HIVEP3: variants seen among roughly 807,000 people sequenced by gnomAD.
The protein encoded by HIVEP3 is transcription factor HIVEP3.
Under a neutral mutation model 152.8 loss-of-function variants are expected in HIVEP3, and 49 were observed. That is an observed-to-expected ratio of 0.32 (90% confidence interval 0.26 to 0.41). The LOEUF (loss-of-function observed/expected upper bound fraction) is 0.41. HIVEP3 is among the 10% of genes least tolerant of loss of function. The pLI, the probability that HIVEP3 is intolerant of heterozygous loss-of-function variation, is 1.00. For synonymous variants in HIVEP3, 1,269 were observed against 1,289.0 expected (o/e 0.98, Z 0.33); for missense variants, 2,790 against 3,103.3 (o/e 0.90, Z 2.40).
chr1:41,763,583 G>A (rs1647827478), intron 1 of HIVEP3, among the ~76,000 whole-genome samples: 1 of 152,190 alleles, frequency 6.6e-6, no homozygotes, highest in Non-Finnish European at 1.5e-5. Context: ...GAGCATAGGA[G>A]GAAAATACCA....
intron 2 of HIVEP3, among the ~76,000 whole-genome samples, chr1:41,661,672 G>A (rs1645714374): frequency 6.6e-6 from 1 of 152,170 alleles, no homozygotes; most frequent in Non-Finnish European, 1.5e-5. Flanking sequence ...GCATGGCCTT[G>A]GGGGAAGCTA....
At chr1:41,900,385 G>A (rs1644600623) in intron 1 of HIVEP3, among the ~76,000 whole-genome samples, 1 of 152,194 alleles carries the variant, frequency 6.6e-6, no homozygotes, top group African/African-American at 2.4e-5. Flanking sequence ...ACATCCAGTG[G>A]AGGGAAGAGG....
intron 1 of HIVEP3, among the ~76,000 whole-genome samples, chr1:41,903,017 T>C (rs1319124692): frequency 2.0e-5 from 3 of 152,176 alleles, no homozygotes; most frequent in Non-Finnish European, 4.4e-5. Context: ...ACTGGATAAC[T>C]TGGGTTACAT....
intron 2 of HIVEP3, among the ~76,000 whole-genome samples, chr1:41,682,810 C>T (rs953069265): frequency 4.6e-5 from 7 of 152,138 alleles, no homozygotes; most frequent in African/African-American, 1.7e-4. Flanking sequence ...TTCCAATAGA[C>T]ACCTTCCAGG....
intron 1 of HIVEP3, among the ~76,000 whole-genome samples, chr1:41,938,483 G>A (rs538025147): frequency 1.6e-4 from 24 of 152,310 alleles, no homozygotes; most frequent in Admixed American, 1.6e-3. Context: ...AATGGGGGAA[G>A]GGAACTAAGA....
intron 5 of HIVEP3, among the ~76,000 whole-genome samples, chr1:41,527,384 GCACTCACACTCCACACCCT>G: frequency 2.6e-5 from 1 of 38,804 alleles, no homozygotes; most frequent in African/African-American, 1.2e-4. Context: ...ACTCACACTC[GCACTCACACTCCACACCCT>G]GCCCTCACAC....
chr1:41,579,813 T>C lies in HIVEP3; in HGVS notation c.4985A>G (p.Tyr1662Cys). 6.2e-7 allele frequency: 1 copy of C among 1,613,658 alleles called. No homozygotes were observed. The change falls in exon 4 of 9, where the codon TAC becomes TGC. Residue 1662 changes from tyrosine (Y) to cysteine (C), a missense_variant. Physicochemically the swap from Tyr to Cys is radical, Grantham distance 194. This residue lies in a region of HIVEP3 where 1,078 missense variants were observed against 1,165.3 expected (regional missense o/e 0.93). Transcript: ENST00000372583. ...AGGATGCGGAGCTGTGGCCATGGTGTATGTCTCTTTGCTCACTTTCTGCTT... is the reference window on the plus strand; with the variant it reads ...AGGATGCGGAGCTGTGGCCATGGTGCATGTCTCTTTGCTCACTTTCTGCTT... ...RSKQKVSKET[Y>C]TMATAPHPEA...
intron 1 of HIVEP3, among the ~76,000 whole-genome samples, chr1:41,818,049 G>C (rs1642464361): frequency 6.6e-6 from 1 of 152,172 alleles, no homozygotes; most frequent in South Asian, 2.1e-4. Context: ...AAGACTGGGA[G>C]AAGGCATCTG....
intron 1 of HIVEP3, among the ~76,000 whole-genome samples, chr1:41,704,482 C>T (rs891762494): frequency 1.7e-4 from 26 of 152,244 alleles, no homozygotes; most frequent in Non-Finnish European, 2.6e-4. Flanking sequence ...AGCCTGTATG[C>T]AGCTGCCTCT....
intron 2 of HIVEP3, among the ~76,000 whole-genome samples, chr1:41,673,799 C>T (rs1022290389): frequency 6.6e-6 from 1 of 152,098 alleles, no homozygotes; most frequent in Non-Finnish European, 1.5e-5. Context: ...TTGGGAAAAA[C>T]CAAACCATCA....
At chr1:41,955,130 A>T (rs1645133393) in intron 1 of HIVEP3, among the ~76,000 whole-genome samples, 1 of 152,172 alleles carries the variant, frequency 6.6e-6, no homozygotes, top group African/African-American at 2.4e-5. Context: ...ACAACAACAT[A>T]TCAGCCAGGT....
At chr1:41,687,682 G>A (rs765242084) in intron 2 of HIVEP3, among the ~76,000 whole-genome samples, 1 of 152,236 alleles carries the variant, frequency 6.6e-6, no homozygotes, top group Non-Finnish European at 1.5e-5. Context: ...TTCATCATCT[G>A]AGAAAGCTCA....
chr1:41,741,370 G>A (rs888400775), intron 1 of HIVEP3, among the ~76,000 whole-genome samples: 1 of 152,220 alleles, frequency 6.6e-6, no homozygotes, highest in Non-Finnish European at 1.5e-5. Flanking sequence ...TAGCAGGGCC[G>A]GGGTCCCAAG....
At chr1:41,563,989 C>T (rs868734515) in intron 5 of HIVEP3, among the ~76,000 whole-genome samples, 2 of 152,076 alleles carry the variant, frequency 1.3e-5, no homozygotes, top group African/African-American at 2.4e-5. Flanking sequence ...GTCTGGAGAT[C>T]GAAACCAGCC....
chr1:41,589,159 C>A (rs1314194713), intron 3 of HIVEP3, among the ~76,000 whole-genome samples: 1 of 152,184 alleles, frequency 6.6e-6, no homozygotes, highest in Non-Finnish European at 1.5e-5. Flanking sequence ...TTGGTGAGAG[C>A]ACCTGTAAAA....
upstream of HIVEP3, among the ~76,000 whole-genome samples, chr1:41,919,269 GGTC>G (rs1394747840): frequency 6.6e-6 from 1 of 152,080 alleles, no homozygotes. Flanking sequence ...CATGTTCACG[GGTC>G]AGACGAGACA....
At chr1:41,653,928 C>T (rs1424437567) in intron 2 of HIVEP3, among the ~76,000 whole-genome samples, 7 of 143,416 alleles carry the variant, frequency 4.9e-5, no homozygotes, top group African/African-American at 1.8e-4. Context: ...AGACACCTCT[C>T]CCTGGGCCTA....
intron 1 of HIVEP3, among the ~76,000 whole-genome samples, chr1:41,729,779 C>G (rs1646811789): frequency 6.6e-6 from 1 of 152,110 alleles, no homozygotes; most frequent in East Asian, 1.9e-4. Flanking sequence ...TCTAGGTAAC[C>G]CAGCCCAGTC....
At chr1:41,752,523 G>A (rs1007508335) in intron 1 of HIVEP3, among the ~76,000 whole-genome samples, 2 of 152,224 alleles carry the variant, frequency 1.3e-5, no homozygotes, top group African/African-American at 2.4e-5. Context: ...GGGGGCTGAG[G>A]GAAAGACCCA....
Sources: allele counts gnomAD v4.1 joint callset (sites outside exome capture counted in the v4.1 genomes callset), GRCh38; gene constraint gnomAD v4.1.1; regional missense constraint gnomAD v4.1.1; transcripts MANE v1.5; gene names NCBI Gene and HGNC (gene_info 2026-07-23, HGNC 2026-07-21).